DST: variants seen among roughly 807,000 people sequenced by gnomAD.
DST encodes dystonin.
Under a neutral mutation model 875.2 loss-of-function variants are expected in DST, and 253 were observed. That is an observed-to-expected ratio of 0.29 (90% CI 0.26 to 0.32). DST has a LOEUF of 0.32. Ranked by LOEUF, DST falls within the 10% of genes least tolerant of loss-of-function variation. DST has a pLI of 1.00. For missense variants in DST, 8,287 were observed against 9,111.6 expected, an observed-to-expected ratio of 0.91 and a Z score of 3.68; for synonymous variants, 3,124 against 3,197.1, an observed-to-expected ratio of 0.98 and a Z score of 0.77.
At chr6:56,739,405 A>C (rs959824415) in intron 4 of DST, among the ~76,000 whole-genome samples, 6 of 152,126 alleles carry the variant, frequency 3.9e-5, no homozygotes, top group African/African-American at 1.4e-4. Flanking sequence ...TTCACTGATA[A>C]GTGCAGATTC....
chr6:56,893,324 T>A (rs978263569), intron 3 of DST, among the ~76,000 whole-genome samples: 2 of 152,198 alleles, frequency 1.3e-5, no homozygotes, highest in African/African-American at 2.4e-5. Context: ...CACTGCAAAT[T>A]CTGTTAATTC....
chr6:56,853,553 C>A (rs185674069), intron 3 of DST, among the ~76,000 whole-genome samples: 66 of 151,212 alleles, frequency 4.4e-4, no homozygotes, highest in Non-Finnish European at 2.2e-4. Context: ...GATTATATTT[C>A]TTGTTACCTG....
intron 53 of DST, among the ~76,000 whole-genome samples, chr6:56,570,396 C>A (rs1318866108): frequency 6.6e-6 from 1 of 152,106 alleles, no homozygotes; most frequent in Non-Finnish European, 1.5e-5. Flanking sequence ...ACTAGGCAGT[C>A]CCATCTGGGG....
In DST at chr6:56,604,777, C is replaced by T. The variant is rs1234851179; in HGVS notation, c.9851G>A (p.Gly3284Glu). 1 of 1,612,660 alleles carries T rather than the reference C, an allele frequency of 6.2e-7. No individual in the cohort carries two copies. Among genetic ancestry groups the T allele is most frequent in the South Asian group, 1.1e-5 (1 of 91,018 alleles). The change falls in exon 40 of 104, where the codon GGG becomes GAG. Residue 3284 changes from glycine (G) to glutamate (E), a missense_variant. Transcript: ENST00000680361. ...ILSRKHVEDV[G>E]KNDFLQSERC... is the part of the protein sequence containing the mutation. The stretch of plus-strand genomic sequence containing the variant: ...CTCCGACTGCAGAAAATCATTTTTC[C>T]CAACATCTTCTACATGTTTACGAGA...
chr6:56,474,642 T>A (rs1043308413), intron 92 of DST, among the ~76,000 whole-genome samples: 14 of 152,140 alleles, frequency 9.2e-5, no homozygotes, highest in Non-Finnish European at 1.6e-4. Context: ...AAACTCAAGT[T>A]TCCAAGCTCC....
intron 3 of DST, among the ~76,000 whole-genome samples, chr6:56,876,247 C>T (rs1479242875): frequency 1.3e-5 from 2 of 152,166 alleles, no homozygotes; most frequent in East Asian, 3.9e-4. Flanking sequence ...AAGATTTCCA[C>T]ATTCAATGTG....
In DST at chr6:56,552,679, A is replaced by C. The variant is rs1188170196; in HGVS notation, c.16113T>G (p.Asp5371Glu). The change falls in exon 61 of 104, where the codon GAT becomes GAG. Residue 5371 changes from aspartate to glutamate, a missense_variant. By Grantham distance (45) the Asp-to-Glu change is conservative (BLOSUM62 2). Transcript: ENST00000680361. ...TGGTTTCTAAGAAAGAACACTTTTCATCAACCTGCTGACTTAGTGTACTAT... is the reference window on the plus strand; with the variant it reads ...TGGTTTCTAAGAAAGAACACTTTTCCTCAACCTGCTGACTTAGTGTACTAT... ...QEHSTLSQQV[D>E]EKCSFLETKL... is the part of the protein sequence containing the mutation. 1 of 1,613,704 alleles carries C rather than the reference A, an allele frequency of 6.2e-7. No homozygotes were observed. Among genetic ancestry groups the C allele is most frequent in the East Asian group, 2.2e-5 (1 of 44,888 alleles).
At chr6:56,639,156 A>C in intron 22 of DST, 103 bp downstream of exon 22, 2 of 1,023,336 alleles carry the variant, frequency 2.0e-6, no homozygotes, top group Non-Finnish European at 3.0e-6. Flanking sequence ...GTTTTAATAA[A>C]AGTTAGATGG....
intron 8 of DST, among the ~76,000 whole-genome samples, chr6:56,700,824 A>G (rs1216362068): frequency 1.3e-5 from 2 of 152,196 alleles, no homozygotes; most frequent in Non-Finnish European, 2.9e-5. Flanking sequence ...ATGATGAATA[A>G]TAAGCAAACA....
At chr6:56,662,556 T>C (rs1431823493) in intron 10 of DST, among the ~76,000 whole-genome samples, 1 of 152,220 alleles carries the variant, frequency 6.6e-6, no homozygotes, top group African/African-American at 2.4e-5. Context: ...AGATGAGCTA[T>C]CTTCCTACCG....
intron 72 of DST, among the ~76,000 whole-genome samples, chr6:56,514,576 TATACACAC>T (rs1339253944): frequency 3.7e-5 from 4 of 107,238 alleles, no homozygotes; most frequent in Non-Finnish European, 5.9e-5. Flanking sequence ...GGCACAGGCG[TATACACAC>T]ACACACACAC....
Position 56,572,121 on chromosome 6 carries a change from A to C in DST, c.13700T>G (p.Met4567Arg). Residue 4567 changes from methionine to arginine, a missense_variant, in exon 53 of 104, where the codon ATG becomes AGG. By Grantham distance (91) the Met-to-Arg change is moderately conservative. Around this residue, in one of 10 missense-constraint regions of DST, gnomAD observed 1,513 missense variants for 1,677.8 expected, o/e 0.90. Transcript: ENST00000680361. ...TNNLSKKFKEMEDTIKEKKEA... is the reference protein window; with the variant it reads ...TNNLSKKFKEREDTIKEKKEA... ...TTACTTTTCTTTGATGGTATCCTCC[A>C]TTTCCTTGAATTTCTTTGACAAATT... 1 of 1,513,724 alleles carries C rather than the reference A, an allele frequency of 6.6e-7. No individual in the cohort carries two copies. The highest frequency in any genetic ancestry group is 8.8e-7 in the Non-Finnish European group (1 of 1,131,702). 93.8% of individuals were successfully genotyped at this position (1,513,724 alleles called of 1,614,324 possible).
At chr6:56,794,053 C>T (rs1463757855) in intron 4 of DST, among the ~76,000 whole-genome samples, 2 of 152,184 alleles carry the variant, frequency 1.3e-5, no homozygotes, top group South Asian at 2.1e-4. Context: ...AGGCTGTCAA[C>T]CTGCATTGCA....
Position 56,701,936 on chromosome 6 carries a change from G to A in DST, c.906C>T (p.His302=). 6.2e-7 allele frequency: 1 copy of A among 1,611,972 alleles called. No individual in the cohort carries two copies. Among genetic ancestry groups the A allele is most frequent in the Non-Finnish European group, 8.5e-7 (1 of 1,178,620 alleles). Reference sequence around the variant, plus strand: ...GTGCAATTTGTACATTCTGTAGTCTGTGAAAACGCATCCGACCTTTTTCTC... The same window carrying A: ...GTGCAATTTGTACATTCTGTAGTCTATGAAAACGCATCCGACCTTTTTCTC... ...GPREKGRMRF[H]RLQNVQIALD... is the part of the protein sequence containing the mutation. Residue 302 remains histidine, a synonymous_variant, in exon 8 of 104, where the codon CAC becomes CAT. Transcript: ENST00000680361.
At chr6:56,744,667 C>A (rs2099566677) in intron 4 of DST, among the ~76,000 whole-genome samples, 1 of 152,140 alleles carries the variant, frequency 6.6e-6, no homozygotes. Flanking sequence ...CATCACCACC[C>A]TGCAGAATCC....
intron 56 of DST, 52 bp downstream of exon 56, chr6:56,562,086 T>C (rs2097543204): frequency 8.2e-7 from 1 of 1,221,670 alleles, no homozygotes. Context: ...TTTCTCTTAT[T>C]AAAAAAACAT....
intron 4 of DST, among the ~76,000 whole-genome samples, chr6:56,821,726 A>C (rs2099773255): frequency 6.6e-6 from 1 of 152,350 alleles, no homozygotes; most frequent in African/African-American, 2.4e-5. Context: ...TACTAAACTG[A>C]TCCAAATTTA....
chr6:56,893,204 C>A (rs1346748228), intron 3 of DST, among the ~76,000 whole-genome samples: 2 of 152,198 alleles, frequency 1.3e-5, no homozygotes, highest in African/African-American at 2.4e-5. Context: ...ATTCTTACGA[C>A]TTTGAGTCCT....
intron 9 of DST, among the ~76,000 whole-genome samples, chr6:56,688,442 T>C (rs1184584509): frequency 1.3e-5 from 2 of 152,098 alleles, no homozygotes; most frequent in African/African-American, 4.8e-5. Context: ...TAGCTCTTAA[T>C]TTTTTTTCAA....
Sources: allele counts gnomAD v4.1 joint callset (sites outside exome capture counted in the v4.1 genomes callset), GRCh38; gene constraint gnomAD v4.1.1; regional missense constraint gnomAD v4.1.1; transcripts MANE v1.5; gene names NCBI Gene and HGNC (gene_info 2026-07-23, HGNC 2026-07-21).